KLHL1: variants seen among roughly 807,000 people sequenced by gnomAD.
The protein encoded by KLHL1 is kelch like family member 1.
Under a neutral mutation model 77.7 loss-of-function variants are expected in KLHL1, and 47 were observed. The observed-to-expected ratio is 0.60, with a 90% CI of 0.48 to 0.77. KLHL1 has a LOEUF of 0.77. Ranked by LOEUF, KLHL1 falls within the 30% of genes least tolerant of loss-of-function variation. The pLI is 0.00. For missense variants in KLHL1, 925 were observed against 910.8 expected (o/e 1.02, Z -0.20); for synonymous variants, 360 against 325.2 (o/e 1.11, Z -1.15).
At chr13:69,937,159 G>A (rs908334460) in intron 4 of KLHL1, among the ~76,000 whole-genome samples, 3 of 152,152 alleles carry the variant, frequency 2.0e-5, no homozygotes, top group African/African-American at 7.2e-5. Flanking sequence ...ACTCAGCAGG[G>A]AAGGAAAGAT....
chr13:69,774,568 G>A (rs1386187677), intron 7 of KLHL1, among the ~76,000 whole-genome samples: 1 of 151,850 alleles, frequency 6.6e-6, no homozygotes, highest in African/African-American at 2.4e-5. Flanking sequence ...AAAATGCAGT[G>A]TGAATCTAAA....
intron 1 of KLHL1, among the ~76,000 whole-genome samples, chr13:69,988,743 G>T (rs1226542638): frequency 6.6e-6 from 1 of 151,792 alleles, no homozygotes; most frequent in African/African-American, 2.4e-5. Flanking sequence ...TAAGTATATT[G>T]GCTGCAAGTA....
intron 1 of KLHL1, among the ~76,000 whole-genome samples, chr13:69,983,607 A>AAGAG (rs1884780042): frequency 9.1e-6 from 1 of 110,384 alleles, no homozygotes; most frequent in African/African-American, 5.7e-5. Context: ...AGAAGAAGAG[A>AAGAG]AAAAAAAAAA....
intron 6 of KLHL1, among the ~76,000 whole-genome samples, chr13:69,833,850 CAT>C (rs1164545524): frequency 1.9e-4 from 27 of 141,036 alleles, no homozygotes; most frequent in African/African-American, 7.2e-4. Flanking sequence ...TATACACACA[CAT>C]ATATACACAC....
intron 8 of KLHL1, among the ~76,000 whole-genome samples, chr13:69,739,991 C>T (rs1302778573): frequency 6.6e-6 from 1 of 152,116 alleles, no homozygotes; most frequent in African/African-American, 2.4e-5. Context: ...AAAGACTCAT[C>T]TAGCCTCAAA....
At chr13:70,081,958 A>C (rs1429622355) in intron 1 of KLHL1, among the ~76,000 whole-genome samples, 1 of 152,096 alleles carries the variant, frequency 6.6e-6, no homozygotes, top group Non-Finnish European at 1.5e-5. Context: ...TGGGAGGAGG[A>C]GGCTGGTGGA....
At chr13:69,917,212 C>T (rs1039612017) in intron 4 of KLHL1, among the ~76,000 whole-genome samples, 7 of 151,504 alleles carry the variant, frequency 4.6e-5, no homozygotes, top group Non-Finnish European at 8.8e-5. Context: ...TCTTCTATGC[C>T]GTTTTCACAA....
At chr13:69,973,610 T>G (rs2137288914) in intron 2 of KLHL1, among the ~76,000 whole-genome samples, 1 of 151,984 alleles carries the variant, frequency 6.6e-6, no homozygotes, top group East Asian at 1.9e-4. Context: ...TTACTAATGA[T>G]TATTCATTTT....
intron 6 of KLHL1, among the ~76,000 whole-genome samples, chr13:69,815,725 G>A (rs367983913): frequency 1.4e-4 from 22 of 152,028 alleles, no homozygotes; most frequent in African/African-American, 4.6e-4. Context: ...TAAAAAAGCC[G>A]TAAATGAACT....
rs373128526 is a variant in KLHL1 at position 69,752,611 on chromosome 13, A to C, written c.1640-12055T>G. Among the ~76,000 whole-genome samples, 23 of 152,294 alleles carry C rather than the reference A, an allele frequency of 1.5e-4. No individual in the cohort carries two copies. In the East Asian group the frequency reaches 4.1e-3, roughly 27 times the overall value. ...GCTAAGAGTTGTTTTCTTTTAAAAC[A>C]AAAATCACAGTTGAGGTGACATTGG... On this transcript the variant is annotated intron_variant, in intron 7 of 10. Transcript: ENST00000377844.
At chr13:69,955,794 G>T (rs1378520768) in intron 3 of KLHL1, among the ~76,000 whole-genome samples, 1 of 148,650 alleles carries the variant, frequency 6.7e-6, no homozygotes, top group African/African-American at 2.5e-5. Flanking sequence ...TAATGTGTGT[G>T]CAAGTGGATT....
At chr13:69,759,941 A>C (rs1874940624) in intron 7 of KLHL1, among the ~76,000 whole-genome samples, 1 of 152,154 alleles carries the variant, frequency 6.6e-6, no homozygotes, top group Non-Finnish European at 1.5e-5. Flanking sequence ...TAAACTTAAA[A>C]CAATAGTAAG....
At chr13:69,905,168 T>C (rs888184004) in intron 4 of KLHL1, among the ~76,000 whole-genome samples, 2 of 152,136 alleles carry the variant, frequency 1.3e-5, no homozygotes, top group African/African-American at 4.8e-5. Context: ...CTTCAAGCAA[T>C]GGTTTTGCCT....
In KLHL1 at chr13:70,057,967, T is replaced by C. The variant is rs541936811; in HGVS notation, c.497+49236A>G. On this transcript the variant is annotated intron_variant, in intron 1 of 10. Coordinates refer to ENST00000377844, the MANE Select transcript of KLHL1 (RefSeq NM_020866.3). ...TCCCAACATGTACAAATCAATCATATCAACAGAATAAAGGACAAAAACCAT... is the reference window on the plus strand; with the variant it reads ...TCCCAACATGTACAAATCAATCATACCAACAGAATAAAGGACAAAAACCAT... Among the ~76,000 whole-genome samples the C allele has an allele frequency of 7.9e-5, 12 of 152,148 alleles. No individual in the cohort carries two copies. In the East Asian group the frequency reaches 1.9e-3, roughly 25 times the overall value.
chr13:69,961,373 T>C lies in KLHL1; in HGVS notation c.752A>G (p.Glu251Gly). 2 of 1,613,192 alleles carry C rather than the reference T, an allele frequency of 1.2e-6. No individual in the cohort carries two copies. Among genetic ancestry groups the C allele is most frequent in the Non-Finnish European group, 1.7e-6 (2 of 1,179,456 alleles). The change falls in exon 3 of 11, where the codon GAG becomes GGG. Residue 251 changes from glutamate to glycine, a missense_variant. Transcript: ENST00000377844. ...FTSDVCEAKQ[E>G]EIKMEGIDPN... is the part of the protein sequence containing the mutation. ...GTCTATGCCTTCCATTTTGATCTCC[T>C]CTTGCTTGGCTTCACAAACATCACT...
intron 1 of KLHL1, among the ~76,000 whole-genome samples, chr13:70,083,868 G>T (rs1438529333): frequency 6.6e-6 from 1 of 151,900 alleles, no homozygotes; most frequent in Non-Finnish European, 1.5e-5. Flanking sequence ...ATACAATTTT[G>T]ATTTTTCAAT....
rs2501238 is a variant in KLHL1, at chr13:69,999,547, G to A, written c.498-23745C>T. Among the ~76,000 whole-genome samples, 1,505 of 152,032 alleles carry A rather than the reference G, an allele frequency of 9.9e-3. 25 individuals carry two copies. Among genetic ancestry groups the A allele is most frequent in the African/African-American group, 0.034 (1,418 of 41,474 alleles). ...TTTGGGCTCCCCAAGCCACTGAATC[G>A]ATAGGTAAGTAAGAGATTGGGATGA... On this transcript the variant is annotated intron_variant, in intron 1 of 10. Coordinates refer to ENST00000377844, the MANE Select transcript of KLHL1 (RefSeq NM_020866.3).
intron 7 of KLHL1, among the ~76,000 whole-genome samples, chr13:69,746,728 T>C (rs1874231202): frequency 6.6e-6 from 1 of 151,954 alleles, no homozygotes; most frequent in South Asian, 2.1e-4. Flanking sequence ...ATTGAGTTTG[T>C]CAAACAGGTA....
chr13:69,738,339 C>T (rs1873849008), intron 8 of KLHL1, among the ~76,000 whole-genome samples: 1 of 152,100 alleles, frequency 6.6e-6, no homozygotes, highest in African/African-American at 2.4e-5. Context: ...AGTGCTTCTT[C>T]TTCTCCAAAT....
Sources: allele counts gnomAD v4.1 joint callset (sites outside exome capture counted in the v4.1 genomes callset), GRCh38; gene constraint gnomAD v4.1.1; transcripts MANE v1.5; gene names NCBI Gene and HGNC (gene_info 2026-07-23, HGNC 2026-07-21).